The following DAG1 variants were observed in gnomAD, a reference collection of about 807,000 sequenced individuals.
DAG1 encodes the protein dystroglycan 1.
A neutral mutation model predicts 46.1 loss-of-function variants in DAG1; 8 were observed. That is an observed-to-expected ratio of 0.17 (90% CI 0.10 to 0.31). DAG1 has a LOEUF of 0.31. DAG1 is among the 10% of genes least tolerant of loss of function. The pLI is 1.00. For synonymous variants in DAG1, 495 were observed against 481.8 expected (o/e 1.03, Z -0.36); for missense variants, 1,003 against 1,189.9 (o/e 0.84, Z 2.31).
At chr3:49,470,883 A>G (rs560702000) in intron 1 of DAG1, 1 of 152,364 alleles carries the variant, frequency 6.6e-6, no homozygotes, top group African/African-American at 2.4e-5. Context: ...AGCTGCTCAG[A>G]GCCTTGGTGG....
Position 49,532,244 on chromosome 3 carries a change from A to AT in DAG1, c.1734dup (p.Ala579CysfsTer25). 1 of 1,613,962 alleles carries AT rather than the reference A, an allele frequency of 6.2e-7. No individual in the cohort carries two copies. The highest frequency in any genetic ancestry group is 8.5e-7 in the Non-Finnish European group (1 of 1,179,804). On this transcript the variant is annotated frameshift_variant, in exon 3 of 3. Coordinates refer to ENST00000308775, the MANE Select transcript of DAG1 (RefSeq NM_004393.6). LOFTEE classifies it high-confidence loss of function. The surrounding 1 kb of genome is among the most constrained non-coding windows in gnomAD (Gnocchi z 5.4). The stretch of plus-strand genomic sequence containing the variant: ...GTGGGCAAACACGAGTATTTCATGC[A>AT]TGCCACAGACAAGGGGGGCCTGTCG...
intron 2 of DAG1, among the ~76,000 whole-genome samples, chr3:49,525,828 G>A (rs1445514445): frequency 6.6e-6 from 1 of 151,460 alleles, no homozygotes; most frequent in Non-Finnish European, 1.5e-5. Flanking sequence ...AAAGTGCTGG[G>A]ATTACAGGCG....
chr3:49,510,877 G>T, intron 2 of DAG1, 58 bp downstream of exon 2: 1 of 1,594,344 alleles, frequency 6.3e-7, no homozygotes, highest in East Asian at 2.3e-5. Flanking sequence ...TTTTAGTTTT[G>T]GTGGCTTTTC....
At chr3:49,486,422 G>A (rs2050028351) in intron 1 of DAG1, among the ~76,000 whole-genome samples, 1 of 151,926 alleles carries the variant, frequency 6.6e-6, no homozygotes, top group Non-Finnish European at 1.5e-5. Context: ...GTTTCACCGT[G>A]TTAGCCAGGA....
intron 1 of DAG1, among the ~76,000 whole-genome samples, chr3:49,504,880 G>A (rs1463485476): frequency 6.8e-6 from 1 of 146,944 alleles, no homozygotes; most frequent in Non-Finnish European, 1.5e-5. Context: ...CAAAGTGCTG[G>A]GATTACAGGT....
At chr3:49,505,981 C>CTT (rs71080528) in intron 1 of DAG1, among the ~76,000 whole-genome samples, 3 of 128,058 alleles carry the variant, frequency 2.3e-5, no homozygotes, top group African/African-American at 5.8e-5. Flanking sequence ...ATTTTTTTTT[C>CTT]TTTTTTTTTT....
chr3:49,529,397 A>T (rs1344148791), intron 2 of DAG1, among the ~76,000 whole-genome samples: 3 of 152,180 alleles, frequency 2.0e-5, no homozygotes, highest in Admixed American at 6.5e-5. Context: ...GGGGGAAATT[A>T]TCTAGTTTCT....
chr3:49,491,526 G>A (rs376898097), intron 1 of DAG1, among the ~76,000 whole-genome samples: 19 of 151,716 alleles, frequency 1.3e-4, no homozygotes, highest in Non-Finnish European at 2.4e-4. Context: ...TGCCCAGGCT[G>A]GAGTGCAGTG....
intron 1 of DAG1, among the ~76,000 whole-genome samples, chr3:49,507,617 CTTTTCTTTT>C (rs1397480478): frequency 1.3e-5 from 2 of 151,598 alleles, no homozygotes; most frequent in South Asian, 2.1e-4. Context: ...TAATATTTTT[CTTTTCTTTT>C]TTTTCTTTTT....
intron 1 of DAG1, among the ~76,000 whole-genome samples, chr3:49,491,807 C>G (rs571476250): frequency 2.6e-4 from 39 of 152,102 alleles, no homozygotes; most frequent in African/African-American, 8.9e-4. Context: ...TTAGTAGAGA[C>G]GGGGTTTCGC....
At chr3:49,530,593 C>G (rs1013115383) in intron 2 of DAG1, among the ~76,000 whole-genome samples, 1 of 152,134 alleles carries the variant, frequency 6.6e-6, no homozygotes, top group Non-Finnish European at 1.5e-5. Context: ...TATTTGCCTC[C>G]CAAGTTAGCC....
chr3:49,531,972 GC>G lies in DAG1; in HGVS notation c.1465del (p.Arg489ValfsTer18), dbSNP rs2107939163. The G allele has an allele frequency of 6.2e-7, 1 of 1,614,208 alleles. No homozygotes were observed. Among genetic ancestry groups the G allele is most frequent in the Non-Finnish European group, 8.5e-7 (1 of 1,180,040 alleles). On this transcript the variant is annotated frameshift_variant, in exon 3 of 3. Coordinates refer to ENST00000308775, the MANE Select transcript of DAG1 (RefSeq NM_004393.6). LOFTEE classifies it high-confidence loss of function. This position sits in a 1 kb window ranked among gnomAD's most constrained non-coding sequence, Gnocchi z 7.0. ...GTATTCGCACCACCACCAGTGGAGT[GC>G]CCCGTGGCGGAGAACCCAACCAGCG... ...TRIRTTTSGV[P>X]RGGEPNQRPE...
chr3:49,530,921 G>T lies in DAG1; in HGVS notation c.410G>T (p.Arg137Leu). 1 of 1,614,084 alleles carries T rather than the reference G, an allele frequency of 6.2e-7. No individual in the cohort carries two copies. Among genetic ancestry groups the T allele is most frequent in the Non-Finnish European group, 8.5e-7 (1 of 1,180,010 alleles). Reference protein sequence around the residue: ...GVHYISVSATRLGANGSHIPQ... With the variant: ...GVHYISVSATLLGANGSHIPQ... ...CATTACATTTCAGTGAGCGCTACAC[G>T]GCTGGGGGCCAACGGGAGCCACATC... The change falls in exon 3 of 3, where the codon CGG (arginine) becomes CTG (leucine). Residue 137 changes from arginine to leucine, a missense_variant. By Grantham distance (102) the Arg-to-Leu change is moderately radical. Around this residue, in one of 3 missense-constraint regions of DAG1, gnomAD observed 196 missense variants for 239.1 expected, o/e 0.82. Coordinates refer to ENST00000308775, the MANE Select transcript of DAG1 (RefSeq NM_004393.6).
chr3:49,523,162 G>A (rs1227382512), intron 2 of DAG1, among the ~76,000 whole-genome samples: 1 of 152,148 alleles, frequency 6.6e-6, no homozygotes, highest in Admixed American at 6.5e-5. Context: ...TGGTATAGTA[G>A]GCAGAAATCT....
intron 1 of DAG1, among the ~76,000 whole-genome samples, chr3:49,506,802 A>T (rs1485363991): frequency 6.6e-6 from 1 of 152,116 alleles, no homozygotes; most frequent in Non-Finnish European, 1.5e-5. Context: ...TGATATCAGG[A>T]TAATGCTACC....
chr3:49,529,655 A>G (rs1055259929), intron 2 of DAG1, among the ~76,000 whole-genome samples: 2 of 152,106 alleles, frequency 1.3e-5, no homozygotes, highest in East Asian at 1.9e-4. Flanking sequence ...GTTTTGGCCA[A>G]TTTGTCTCTG....
intron 1 of DAG1, among the ~76,000 whole-genome samples, chr3:49,503,827 C>CA (rs57105506): frequency 0.47 from 61,215 of 130,600 alleles, 13,878 homozygotes; most frequent in East Asian, 0.92. Context: ...GACCCTGTCT[C>CA]AAAAAAAAAA....
intron 2 of DAG1, among the ~76,000 whole-genome samples, chr3:49,519,976 A>G (rs1005709014): frequency 6.6e-6 from 1 of 152,214 alleles, no homozygotes; most frequent in Non-Finnish European, 1.5e-5. Flanking sequence ...CAGTGTGTTC[A>G]GTATTGATCC....
At chr3:49,492,086 C>T (rs2050204914) in intron 1 of DAG1, among the ~76,000 whole-genome samples, 1 of 152,060 alleles carries the variant, frequency 6.6e-6, no homozygotes, top group Non-Finnish European at 1.5e-5. Flanking sequence ...GCCACCAAGC[C>T]CAGCTAATTT....
Sources: allele counts gnomAD v4.1 joint callset (sites outside exome capture counted in the v4.1 genomes callset), GRCh38; gene constraint gnomAD v4.1.1; regional missense constraint gnomAD v4.1.1; non-coding constraint Gnocchi (gnomAD v3.1); transcripts MANE v1.5; gene names NCBI Gene and HGNC (gene_info 2026-07-23, HGNC 2026-07-21).